The following ZW10 variants were observed in gnomAD, a reference collection of about 807,000 sequenced individuals.
The protein encoded by ZW10 is centromere/kinetochore protein zw10 homolog.
ZW10 carries 53 observed loss-of-function variants against 87.8 expected under a neutral mutation model. The observed-to-expected ratio is 0.60, with a 90% confidence interval of 0.48 to 0.76. The LOEUF (loss-of-function observed/expected upper bound fraction) is 0.76. ZW10 is among the 30% of genes least tolerant of loss of function. ZW10 has a pLI of 0.00. For synonymous variants in ZW10, 312 were observed against 329.2 expected (o/e 0.95, Z 0.57); for missense variants, 837 against 923.0 (o/e 0.91, Z 1.21).
intron 2 of ZW10, among the ~76,000 whole-genome samples, chr11:113,766,057 G>A (rs1036646549): frequency 6.6e-6 from 1 of 152,156 alleles, no homozygotes; most frequent in African/African-American, 2.4e-5. Context: ...TCTCACCAAG[G>A]AGACTCACGT....
chr11:113,733,934 G>A (rs1178816629), intron 15 of ZW10, 120 bp from the exon 16 acceptor site: 6 of 1,239,800 alleles, frequency 4.8e-6, no homozygotes, highest in Non-Finnish European at 6.6e-6. Flanking sequence ...AACAAATCCT[G>A]GGCATCTTTC....
intron 1 of ZW10, 81 bp from the exon 2 acceptor site, chr11:113,769,048 G>A: frequency 6.9e-7 from 1 of 1,455,700 alleles, no homozygotes; most frequent in South Asian, 1.2e-5. Flanking sequence ...TCTTCCACAA[G>A]GCATTTTCCA....
In ZW10 at chr11:113,747,658, T is replaced by A; in HGVS notation, c.1145A>T (p.Lys382Ile). 1 of 1,613,278 alleles carries A rather than the reference T, an allele frequency of 6.2e-7. No individual in the cohort carries two copies. Among genetic ancestry groups the A allele is most frequent in the Non-Finnish European group, 8.5e-7 (1 of 1,179,476 alleles). Residue 382 changes from lysine to isoleucine, a missense_variant, in exon 9 of 16, where the codon AAA becomes ATA. Coordinates refer to ENST00000200135, the MANE Select transcript of ZW10 (RefSeq NM_004724.4). The part of the protein sequence containing the change: ...ENALKEMRFL[K>I]GDTTDLLKYA... The stretch of plus-strand genomic sequence containing the variant: ...TTTCAGCAAATCTGTAGTATCTCCT[T>A]TTAAAAATCTCATTTCCTTTAGGGC...
At position 113,743,885 on chromosome 11, in the gene ZW10, T is replaced by C. The variant is rs757476973; in HGVS notation, c.1428A>G (p.Thr476=). 2.5e-6 allele frequency: 4 copies of C among 1,614,164 alleles called. No individual in the cohort carries two copies. The highest frequency in any genetic ancestry group is 1.1e-5 in the South Asian group (1 of 91,072). ...TLDQHSFSLP[T]CRISESVKKL... ...TCTTCACAGACTCACTGATACGGCA[T>C]GTGGGCAAGGAAAAGGAATGTTGGT... Residue 476 remains threonine, a synonymous_variant, in exon 10 of 16, where the codon ACA becomes ACG. Coordinates refer to ENST00000200135, the MANE Select transcript of ZW10 (RefSeq NM_004724.4).
intron 15 of ZW10, among the ~76,000 whole-genome samples, chr11:113,734,822 G>T (rs1953531236): frequency 6.6e-6 from 1 of 150,848 alleles, no homozygotes. Flanking sequence ...AAAAGGAATA[G>T]ATTTCAAAAA....
intron 1 of ZW10, 38 bp downstream of exon 1, chr11:113,773,524 G>A (rs377057996): frequency 6.4e-7 from 1 of 1,573,628 alleles, no homozygotes; most frequent in African/African-American, 1.3e-5. Flanking sequence ...AGGACCCGGA[G>A]TCCCCTTCCA....
At chr11:113,757,875 CA>C (rs1351418962) in intron 6 of ZW10, 22 bp from the exon 7 acceptor site, 8 of 1,562,094 alleles carry the variant, frequency 5.1e-6, no homozygotes, top group Non-Finnish European at 7.0e-6. Context: ...TATGAACATT[CA>C]TCAAAAAATC....
chr11:113,733,315 GA>G lies in ZW10; in HGVS notation c.*378del, dbSNP rs569019414. ...CCCTAAAATATCTCCGATTTGCTCA[GA>G]AATTCTCTACCCTGACTCCTGGAAT... On this transcript the variant is annotated 3_prime_UTR_variant, in exon 16 of 16. Coordinates refer to ENST00000200135, the MANE Select transcript of ZW10 (RefSeq NM_004724.4). 57 of 167,576 alleles carry G rather than the reference GA, an allele frequency of 3.4e-4. 1 individual carries two copies. In the East Asian group the frequency reaches 9.9e-3, roughly 29 times the overall value. The allele number at this position is 167,576 out of a possible 1,614,324, so 10.4% of individuals were successfully genotyped here. A position where few individuals can be genotyped will look rare whatever the true frequency, so the allele number is the denominator to read the frequency against.
intron 2 of ZW10, among the ~76,000 whole-genome samples, chr11:113,765,040 AC>A (rs967237994): frequency 1.4e-4 from 21 of 152,178 alleles, no homozygotes; most frequent in African/African-American, 5.1e-4. Context: ...ACTGGTTTGC[AC>A]CATGAGAGAG....
At position 113,760,276 on chromosome 11, in the gene ZW10, C is replaced by G; in HGVS notation, c.513G>C (p.Gln171His). 1.2e-6 allele frequency: 2 copies of G among 1,614,094 alleles called. No homozygotes were observed. The highest frequency in any genetic ancestry group is 1.7e-6 in the Non-Finnish European group (2 of 1,180,012). ...CTTCTCCAAGGTGATAAAGTATGTTCTGTTTCTGTATTGTGAGCTCCATGC... is the reference window on the plus strand; with the variant it reads ...CTTCTCCAAGGTGATAAAGTATGTTGTGTTTCTGTATTGTGAGCTCCATGC... The part of the protein sequence containing the change: ...SLSMELTIQK[Q>H]NILYHLGEEW... Residue 171 changes from glutamine (Q) to histidine (H), a missense_variant, in exon 5 of 16, where the codon CAG (glutamine) becomes CAC (histidine). Physicochemically the swap from Gln to His is conservative, Grantham distance 24. Transcript: ENST00000200135.
chr11:113,740,929 T>C (rs2134868880), intron 11 of ZW10, among the ~76,000 whole-genome samples: 1 of 152,330 alleles, frequency 6.6e-6, no homozygotes, highest in East Asian at 1.9e-4. Flanking sequence ...CTAATGCAAA[T>C]ATGTTTTCTC....
In ZW10 at chr11:113,748,174, C is replaced by T. The variant is rs911357134; in HGVS notation, c.1089+83G>A. 2.8e-5 allele frequency: 37 copies of T among 1,331,064 alleles called. No homozygotes were observed. In the African/African-American group the frequency reaches 4.6e-4, roughly 17 times the overall value. The allele number at this position is 1,331,064 out of a possible 1,614,324, so 82.5% of individuals were successfully genotyped here. A position where few individuals can be genotyped will look rare whatever the true frequency, so the allele number is the denominator to read the frequency against. ...TTTACTTAAAGGTATAACTAAAGAA[C>T]AAACTATCTCCAAGGAAAAACAAAA... On this transcript the variant is annotated intron_variant, in intron 8 of 15. Coordinates refer to ENST00000200135, the MANE Select transcript of ZW10 (RefSeq NM_004724.4).
chr11:113,737,639 C>A lies in ZW10; in HGVS notation c.1949G>T (p.Cys650Phe). 6.2e-7 allele frequency: 1 copy of A among 1,613,572 alleles called. No homozygotes were observed. The highest frequency in any genetic ancestry group is 8.5e-7 in the Non-Finnish European group (1 of 1,179,626). ...ATTGAGTAAAGTCCCCATAGCCTTG[C>A]AATATATATTCACTGGCAGGACATC... ...WQDVLPVNIY[C>F]KAMGTLLNTA... The change falls in exon 14 of 16, where the codon TGC (cysteine) becomes TTC (phenylalanine). Residue 650 changes from cysteine to phenylalanine, a missense_variant. Cys to Phe is a radical substitution (Grantham distance 205, BLOSUM62 -2). Coordinates refer to ENST00000200135, the MANE Select transcript of ZW10 (RefSeq NM_004724.4).
Position 113,737,634 on chromosome 11 carries a change from C to T in ZW10, c.1954G>A (p.Ala652Thr). The T allele has an allele frequency of 6.2e-7, 1 of 1,613,656 alleles. No homozygotes were observed. The highest frequency in any genetic ancestry group is 8.5e-7 in the Non-Finnish European group (1 of 1,179,666). Residue 652 changes from alanine (A) to threonine (T), a missense_variant, in exon 14 of 16, where the codon GCT becomes ACT. By Grantham distance (58) the Ala-to-Thr change is moderately conservative. Coordinates refer to ENST00000200135, the MANE Select transcript of ZW10 (RefSeq NM_004724.4). ...GCTGTATTGAGTAAAGTCCCCATAGCCTTGCAATATATATTCACTGGCAGG... is the reference window on the plus strand; with the variant it reads ...GCTGTATTGAGTAAAGTCCCCATAGTCTTGCAATATATATTCACTGGCAGG... ...DVLPVNIYCK[A>T]MGTLLNTAIS...
chr11:113,733,960 C>CGGCA (rs1953521236), intron 15 of ZW10, 146 bp from the exon 16 acceptor site: 2 of 978,398 alleles, frequency 2.0e-6, no homozygotes, highest in African/African-American at 3.3e-5. Flanking sequence ...CTTTATAGAA[C>CGGCA]TGCCCCTCAA....
At chr11:113,753,726 T>A (rs554690968) in intron 7 of ZW10, among the ~76,000 whole-genome samples, 118 of 152,252 alleles carry the variant, frequency 7.8e-4, no homozygotes, top group African/African-American at 2.5e-3. Context: ...AAAGTTTGAG[T>A]GGTCTGTGTA....
rs748169308 is a variant in ZW10, at chr11:113,739,332, C to T, written c.1634G>A (p.Cys545Tyr). 2 of 1,609,646 alleles carry T rather than the reference C, an allele frequency of 1.2e-6. No individual in the cohort carries two copies. Among genetic ancestry groups the T allele is most frequent in the East Asian group, 2.2e-5 (1 of 44,502 alleles). ...CAGCAAGTGGTGAGCAATGTACATA[C>T]AGTTGTTGTGATGAATAGCAGCCAA... ...PQLAAIHHNN[C>Y]MYIAHHLLTL... Residue 545 changes from cysteine to tyrosine, a missense_variant, in exon 12 of 16, where the codon TGT becomes TAT. Transcript: ENST00000200135.
chr11:113,740,914 G>A (rs1953608897), intron 11 of ZW10, among the ~76,000 whole-genome samples: 1 of 152,168 alleles, frequency 6.6e-6, no homozygotes, highest in South Asian at 2.1e-4. Flanking sequence ...GGACAAGGCT[G>A]TCAGCTAATG....
At chr11:113,746,999 A>G (rs1451870036) in intron 9 of ZW10, among the ~76,000 whole-genome samples, 1 of 152,130 alleles carries the variant, frequency 6.6e-6, no homozygotes, top group Non-Finnish European at 1.5e-5. Flanking sequence ...GCCCAATTCA[A>G]GGTATATACA....
Sources: allele counts gnomAD v4.1 joint callset (sites outside exome capture counted in the v4.1 genomes callset), GRCh38; gene constraint gnomAD v4.1.1; transcripts MANE v1.5; gene names NCBI Gene and HGNC (gene_info 2026-07-23, HGNC 2026-07-21).